EXOC6B: variants seen among roughly 807,000 people sequenced by gnomAD.
EXOC6B encodes the protein SEC15 homolog B.
EXOC6B carries 54 observed loss-of-function variants against 113.5 expected under a neutral mutation model. The ratio of observed to expected loss-of-function variants is 0.48; its 90% CI spans 0.38 to 0.60. The LOEUF is 0.60. Ranked by LOEUF, EXOC6B falls within the 20% of genes least tolerant of loss-of-function variation. EXOC6B has a pLI of 0.00. For missense variants in EXOC6B, 797 were observed against 977.5 expected, an observed-to-expected ratio of 0.82 and a Z score of 2.46; for synonymous variants, 357 against 339.0, an observed-to-expected ratio of 1.05 and a Z score of -0.58.
chr2:72,460,149 C>T (rs1242246203), intron 18 of EXOC6B, among the ~76,000 whole-genome samples: 3 of 151,994 alleles, frequency 2.0e-5, no homozygotes, highest in African/African-American at 4.8e-5. Context: ...AACTGGCTAG[C>T]CATATGTAGA....
chr2:72,374,079 A>T (rs1026760209), intron 19 of EXOC6B, among the ~76,000 whole-genome samples: 6 of 151,940 alleles, frequency 3.9e-5, no homozygotes, highest in Admixed American at 6.6e-5. Flanking sequence ...CAAAAAAAAA[A>T]TTTTTTTTTA....
chr2:72,247,330 C>A (rs1236372684), intron 20 of EXOC6B, among the ~76,000 whole-genome samples: 1 of 152,090 alleles, frequency 6.6e-6, no homozygotes, highest in Admixed American at 6.6e-5. Flanking sequence ...AATTATAACT[C>A]CTACTGTGAG....
rs370743884 is a variant in EXOC6B, at chr2:72,421,873, C to T, written c.1981-42003G>A. On this transcript the variant is annotated intron_variant, in intron 18 of 21. Transcript: ENST00000272427. Reference sequence around the variant, plus strand: ...CGGGGCTGCGTGCAGCGCTTGCGGGCCAGCTGGAGTTCCGGGTGGGCATGG... The same window carrying T: ...CGGGGCTGCGTGCAGCGCTTGCGGGTCAGCTGGAGTTCCGGGTGGGCATGG... 1.4e-4 allele frequency among the ~76,000 whole-genome samples: 22 copies of T among 152,342 alleles called. 2 individuals carry two copies. The highest frequency in any genetic ancestry group is 4.6e-4 in the African/African-American group (19 of 41,592).
At position 72,496,550 on chromosome 2, in the gene EXOC6B, A is replaced by G. The variant is rs1454083695; in HGVS notation, c.1347T>C (p.Leu449=). 6.3e-7 allele frequency: 1 copy of G among 1,582,592 alleles called. No individual in the cohort carries two copies. The highest frequency in any genetic ancestry group is 8.6e-7 in the Non-Finnish European group (1 of 1,159,980). ...GTATAGGACTGTAGTTGTCAGAATC[A>G]AGTATGTTTCTATAAATGGAAGGAT... ...KKWAGIFRNI[L]DSDNYSPIPV... The change falls in exon 14 of 22, where the codon CTT becomes CTC. Residue 449 remains leucine, a synonymous_variant. Transcript: ENST00000272427.
chr2:72,319,558 T>G (rs916225381), intron 20 of EXOC6B, among the ~76,000 whole-genome samples: 2 of 152,176 alleles, frequency 1.3e-5, no homozygotes, highest in African/African-American at 4.8e-5. Flanking sequence ...AGATTCAACA[T>G]CAACGTACAA....
chr2:72,219,650 G>A (rs1680746532), intron 20 of EXOC6B, among the ~76,000 whole-genome samples: 1 of 152,030 alleles, frequency 6.6e-6, no homozygotes, highest in Non-Finnish European at 1.5e-5. Flanking sequence ...GTTGTTAGAG[G>A]GTCAGCCATA....
intron 17 of EXOC6B, among the ~76,000 whole-genome samples, chr2:72,472,795 G>T (rs1698490529): frequency 6.6e-6 from 1 of 152,026 alleles, no homozygotes; most frequent in Non-Finnish European, 1.5e-5. Context: ...AAATATTTCT[G>T]CTTTTTGATG....
chr2:72,679,551 A>C (rs2104536737), intron 6 of EXOC6B, among the ~76,000 whole-genome samples: 1 of 152,330 alleles, frequency 6.6e-6, no homozygotes, highest in South Asian at 2.1e-4. Context: ...AAAGGAAGGA[A>C]GTTTGGCAGA....
At chr2:72,274,526 T>C (rs1217515025) in intron 20 of EXOC6B, among the ~76,000 whole-genome samples, 1 of 152,138 alleles carries the variant, frequency 6.6e-6, no homozygotes, top group Admixed American at 6.6e-5. Flanking sequence ...TTAAGTATTC[T>C]ACAGGAAAGA....
At chr2:72,401,660 T>TAC (rs1693329480) in intron 18 of EXOC6B, among the ~76,000 whole-genome samples, 1 of 75,540 alleles carries the variant, frequency 1.3e-5, no homozygotes, top group Admixed American at 1.7e-4. Context: ...TATATATATA[T>TAC]ATATATGTAT....
chr2:72,732,006 A>T (rs550742439), intron 3 of EXOC6B, among the ~76,000 whole-genome samples: 1 of 152,230 alleles, frequency 6.6e-6, no homozygotes, highest in Non-Finnish European at 1.5e-5. Context: ...CATTTGTTTT[A>T]GTTTCCTCAT....
chr2:72,180,147 T>C (rs1677992825), intron 21 of EXOC6B, among the ~76,000 whole-genome samples: 1 of 152,180 alleles, frequency 6.6e-6, no homozygotes, highest in Admixed American at 6.5e-5. Context: ...ACCAGAGCTT[T>C]TTACATGAGA....
intron 6 of EXOC6B, among the ~76,000 whole-genome samples, chr2:72,682,502 T>TA (rs1017235958): frequency 1.1e-4 from 17 of 152,238 alleles, no homozygotes; most frequent in Admixed American, 8.5e-4. Flanking sequence ...GAAAACTCAC[T>TA]AAGAAGCTTC....
intron 20 of EXOC6B, among the ~76,000 whole-genome samples, chr2:72,328,446 T>C (rs1232826857): frequency 6.6e-6 from 1 of 151,960 alleles, no homozygotes; most frequent in Non-Finnish European, 1.5e-5. Context: ...TGACATCCCT[T>C]GGAGCATCAG....
At chr2:72,561,511 T>C (rs1023561859) in intron 7 of EXOC6B, among the ~76,000 whole-genome samples, 4 of 152,110 alleles carry the variant, frequency 2.6e-5, no homozygotes, top group African/African-American at 9.7e-5. Context: ...AGAACCATAG[T>C]TTCACTCAAA....
intron 17 of EXOC6B, among the ~76,000 whole-genome samples, chr2:72,472,938 T>C (rs1418610082): frequency 1.3e-5 from 2 of 152,174 alleles, no homozygotes; most frequent in African/African-American, 4.8e-5. Context: ...ATTGAACCAA[T>C]GGTTGTTCAG....
intron 1 of EXOC6B, among the ~76,000 whole-genome samples, chr2:72,812,019 G>T (rs1685951662): frequency 6.6e-6 from 1 of 152,130 alleles, no homozygotes. Flanking sequence ...ACCAGTCTTA[G>T]CATAGTCCTA....
chr2:72,578,128 T>G (rs1020289489), intron 6 of EXOC6B, among the ~76,000 whole-genome samples: 1 of 152,092 alleles, frequency 6.6e-6, no homozygotes, highest in Non-Finnish European at 1.5e-5. Context: ...TTCCTATTAC[T>G]AATGTGTGTT....
At chr2:72,397,314 C>A (rs1573025916) in intron 18 of EXOC6B, among the ~76,000 whole-genome samples, 1 of 152,048 alleles carries the variant, frequency 6.6e-6, no homozygotes, top group Admixed American at 6.6e-5. Context: ...TTCTGGAATT[C>A]TTCTTATGTA....
Sources: allele counts gnomAD v4.1 joint callset (sites outside exome capture counted in the v4.1 genomes callset), GRCh38; gene constraint gnomAD v4.1.1; transcripts MANE v1.5; gene names NCBI Gene and HGNC (gene_info 2026-07-23, HGNC 2026-07-21).